NUP155: variants seen among roughly 807,000 people sequenced by gnomAD.
NUP155 encodes the protein nucleoporin 155, also known as nuclear pore complex protein Nup155.
A neutral mutation model predicts 180.4 loss-of-function variants in NUP155; 71 were observed. The observed-to-expected ratio is 0.39, with a 90% CI of 0.33 to 0.48. NUP155 has a LOEUF of 0.48. Ranked by LOEUF, NUP155 falls within the 20% of genes least tolerant of loss-of-function variation. NUP155 has a pLI of 0.91. For missense variants in NUP155, 1,553 were observed against 1,648.9 expected, an observed-to-expected ratio of 0.94 and a Z score of 1.01; for synonymous variants, 582 against 559.5, an observed-to-expected ratio of 1.04 and a Z score of -0.57.
chr5:37,341,853 T>G (rs1346695326), intron 10 of NUP155, among the ~76,000 whole-genome samples: 1 of 152,168 alleles, frequency 6.6e-6, no homozygotes, highest in Non-Finnish European at 1.5e-5. Context: ...CTGACTGATC[T>G]TAAATTACCA....
intron 19 of NUP155, among the ~76,000 whole-genome samples, chr5:37,324,620 C>T (rs1744465322): frequency 6.6e-6 from 1 of 151,788 alleles, no homozygotes; most frequent in Non-Finnish European, 1.5e-5. Flanking sequence ...TGGCGCGGAT[C>T]ATATCTTACT....
rs148457088 is a variant in NUP155 at position 37,333,491 on chromosome 5, G to A, written c.1490C>T (p.Pro497Leu). The A allele has an allele frequency of 1.5e-5, 25 of 1,613,916 alleles. No individual in the cohort carries two copies. The highest frequency in any genetic ancestry group is 6.6e-5 in the South Asian group (6 of 91,088). ...TGCTGAGAGGAGAACAAATTTCTTC[G>A]GAGGTAACATGTGCTGCTGTACAAC... ...PVVVQQHMLP[P>L]KKFVLLSAQG... is the part of the protein sequence containing the mutation. The change falls in exon 13 of 35, where the codon CCG becomes CTG. Residue 497 changes from proline to leucine, a missense_variant. Pro to Leu is a moderately conservative substitution (Grantham distance 98). Coordinates refer to ENST00000231498, the MANE Select transcript of NUP155 (RefSeq NM_153485.3).
chr5:37,330,655 A>G (rs568860923), intron 14 of NUP155, among the ~76,000 whole-genome samples: 2 of 152,286 alleles, frequency 1.3e-5, no homozygotes, highest in East Asian at 3.9e-4. Flanking sequence ...AACCGTATCA[A>G]TTCCAGTTGT....
intron 31 of NUP155, 81 bp from the exon 32 acceptor site, chr5:37,299,059 A>C: frequency 1.2e-6 from 1 of 824,510 alleles, no homozygotes; most frequent in Admixed American, 2.0e-5. Context: ...ATTCTGTTTC[A>C]AGGTTCAAAA....
intron 33 of NUP155, 133 bp downstream of exon 33, chr5:37,294,196 T>C: frequency 3.2e-6 from 2 of 624,490 alleles, no homozygotes; most frequent in Non-Finnish European, 2.8e-6. Context: ...AAAAGCATAA[T>C]TTCCAAGACT....
At position 37,339,545 on chromosome 5, in the gene NUP155, C is replaced by T. The variant is rs115986027; in HGVS notation, c.1246+1545G>A. On this transcript the variant is annotated intron_variant, in intron 11 of 34. Transcript: ENST00000231498. ...CAGGAGGTTGAGCAAGGAGGATCACCTGAGCCTGGAAGGTTGAAGCTATGG... is the reference window on the plus strand; with the variant it reads ...CAGGAGGTTGAGCAAGGAGGATCACTTGAGCCTGGAAGGTTGAAGCTATGG... Among the ~76,000 whole-genome samples, 873 of 152,068 alleles carry T rather than the reference C, an allele frequency of 5.7e-3. 10 individuals carry two copies. The highest frequency in any genetic ancestry group is 0.02 in the African/African-American group (829 of 41,510).
At chr5:37,299,232 C>T (rs1742739259) in intron 31 of NUP155, among the ~76,000 whole-genome samples, 1 of 152,114 alleles carries the variant, frequency 6.6e-6, no homozygotes, top group Non-Finnish European at 1.5e-5. Flanking sequence ...AATTAAATAA[C>T]CTTTTCACTG....
chr5:37,294,021 A>T lies in NUP155; in HGVS notation c.3930+308T>A, dbSNP rs986250093. 3.7e-4 allele frequency among the ~76,000 whole-genome samples: 28 copies of T among 76,058 alleles called. 6 individuals carry two copies. The highest frequency in any genetic ancestry group is 1.5e-3 in the African/African-American group (4 of 2,652). 49.9% of individuals were successfully genotyped at this position (76,058 alleles called of 152,430 possible). On this transcript the variant is annotated intron_variant, in intron 33 of 34. Coordinates refer to ENST00000231498, the MANE Select transcript of NUP155 (RefSeq NM_153485.3). ...ACGCCGTCTCAAAAAAAAAAAAAAAAAAAAAAATAAAGCAAATGATGATTC... is the reference window on the plus strand; with the variant it reads ...ACGCCGTCTCAAAAAAAAAAAAAAATAAAAAAATAAAGCAAATGATGATTC...
At chr5:37,304,970 C>A in intron 26 of NUP155, 87 bp downstream of exon 26, 1 of 1,549,556 alleles carries the variant, frequency 6.5e-7, no homozygotes, top group African/African-American at 1.4e-5. Context: ...AGAACTACCA[C>A]CTTTCCCCAA....
In NUP155 at chr5:37,291,034, A is replaced by ATT. The variant is rs1427395091; in HGVS notation, c.*864_*865dup. 1 of 152,166 alleles carries ATT rather than the reference A, an allele frequency of 6.6e-6. No homozygotes were observed. The highest frequency in any genetic ancestry group is 2.4e-5 in the African/African-American group (1 of 41,416). The allele number at this position is 152,166 out of a possible 1,614,324, so 9.4% of individuals were successfully genotyped here. On this transcript the variant is annotated 3_prime_UTR_variant, in exon 35 of 35. Transcript: ENST00000231498. ...CCTGTGTAGGTTTTCAGGACACAAC[A>ATT]TTAGTTACAAGTTTTATCACCTGCT...
chr5:37,321,176 T>C (rs567218545), intron 20 of NUP155, among the ~76,000 whole-genome samples: 1 of 151,922 alleles, frequency 6.6e-6, no homozygotes, highest in Non-Finnish European at 1.5e-5. Context: ...CAAAACCCTG[T>C]CTCTGCTACA....
chr5:37,321,150 A>C (rs1744215749), intron 20 of NUP155, among the ~76,000 whole-genome samples: 1 of 152,100 alleles, frequency 6.6e-6, no homozygotes, highest in South Asian at 2.1e-4. Flanking sequence ...GTTCAAGATC[A>C]GCCTTGCCAA....
At chr5:37,358,793 C>T (rs945184886) in intron 3 of NUP155, among the ~76,000 whole-genome samples, 2 of 151,932 alleles carry the variant, frequency 1.3e-5, no homozygotes, top group East Asian at 3.9e-4. Context: ...CCGGGGTGGG[C>T]GAATCACAAG....
intron 3 of NUP155, among the ~76,000 whole-genome samples, chr5:37,360,740 C>T (rs1164255112): frequency 6.7e-6 from 1 of 148,208 alleles, no homozygotes; most frequent in African/African-American, 2.5e-5. Context: ...GAGCCGAGAT[C>T]ATGCCACTGC....
intron 9 of NUP155, 142 bp from the exon 10 acceptor site, chr5:37,342,788 G>A (rs1745816887): frequency 6.3e-6 from 4 of 634,024 alleles, no homozygotes; most frequent in South Asian, 1.7e-5. Context: ...CCAGGCTGGA[G>A]GAGAGTGGCG....
rs1228809332 is a variant in NUP155 at position 37,332,245 on chromosome 5, A to AC, written c.1519-451_1519-450insG. Reference sequence around the variant, plus strand: ...AAATTCCAAATAGATCAAAAGACTTAAAGGACAAAATAAAACTATCATAAT... The same window carrying AC: ...AAATTCCAAATAGATCAAAAGACTTACAAGGACAAAATAAAACTATCATAAT... On this transcript the variant is annotated intron_variant, in intron 13 of 34. Transcript: ENST00000231498. Among the ~76,000 whole-genome samples the AC allele has an allele frequency of 4.7e-5, 7 of 149,720 alleles. 1 individual carries two copies. The East Asian group carries it at 1.4e-3, about 29-fold the overall frequency.
intron 1 of NUP155, among the ~76,000 whole-genome samples, chr5:37,365,711 G>GAAAAAAAAAAAAAAAAAAAAAAAAAA: frequency 2.9e-5 from 1 of 34,016 alleles, no homozygotes; most frequent in East Asian, 9.1e-4. Context: ...CTGTCTCGGG[G>GAAAAAAAAAAAAAAAAAAAAAAAAAA]AGAAAAAAAA....
chr5:37,365,482 C>G (rs1017919852), intron 1 of NUP155, among the ~76,000 whole-genome samples: 1 of 150,906 alleles, frequency 6.6e-6, no homozygotes, highest in African/African-American at 2.4e-5. Context: ...CAGAGGCAAG[C>G]CGATCACAAG....
rs191553303 is a variant in NUP155 at position 37,368,873 on chromosome 5, T to C, written c.157+1948A>G. On this transcript the variant is annotated intron_variant, in intron 1 of 34. Transcript: ENST00000231498. ...ATTTAATCCTAAAACATAACTTTAA[T>C]AGGCCGAAGGTGGCAGATCACCATG... Among the ~76,000 whole-genome samples, 411 of 152,176 alleles carry C rather than the reference T, an allele frequency of 2.7e-3. 2 individuals are homozygous for C. The highest frequency in any genetic ancestry group is 8.2e-3 in the African/African-American group (339 of 41,526).
Sources: allele counts gnomAD v4.1 joint callset (sites outside exome capture counted in the v4.1 genomes callset), GRCh38; gene constraint gnomAD v4.1.1; transcripts MANE v1.5; gene names NCBI Gene and HGNC (gene_info 2026-07-23, HGNC 2026-07-21).